UTRN: variants seen among roughly 807,000 people sequenced by gnomAD.
The protein encoded by UTRN is dystrophin-related protein 1.
In UTRN, 283 loss-of-function variants were observed where a neutral mutation model predicts 463.9. The observed-to-expected ratio is 0.61, with a 90% confidence interval of 0.55 to 0.67. The LOEUF (loss-of-function observed/expected upper bound fraction) is 0.67. UTRN is among the 30% of genes least tolerant of loss of function. UTRN has a pLI of 0.00. For synonymous variants in UTRN, 1,442 were observed against 1,431.5 expected, an observed-to-expected ratio of 1.01 and a Z score of -0.17; for missense variants, 3,922 against 4,084.3, an observed-to-expected ratio of 0.96 and a Z score of 1.08.
intron 54 of UTRN, among the ~76,000 whole-genome samples, chr6:144,740,422 G>C (rs962131685): frequency 2.6e-5 from 4 of 152,160 alleles, no homozygotes; most frequent in African/African-American, 9.6e-5. Flanking sequence ...GGGAGAAGGT[G>C]TCTAGGCAAT....
chr6:144,460,619 T>C (rs192620699), intron 21 of UTRN, among the ~76,000 whole-genome samples: 1 of 152,346 alleles, frequency 6.6e-6, no homozygotes, highest in African/African-American at 2.4e-5. Context: ...TGCTAGTTGG[T>C]TTCACCTCTT....
At chr6:144,533,735 A>AATATAATATC (rs1197087528) in intron 43 of UTRN, among the ~76,000 whole-genome samples, 8 of 150,906 alleles carry the variant, frequency 5.3e-5, no homozygotes, top group African/African-American at 1.9e-4. Flanking sequence ...AATATAATAT[A>AATATAATATC]ATATAGTATT....
chr6:144,782,182 A>G, intron 61 of UTRN, 59 bp downstream of exon 61: 1 of 1,408,380 alleles, frequency 7.1e-7, no homozygotes. Flanking sequence ...GTTAATAGAA[A>G]ATGTCTGATT....
chr6:144,415,891 G>T (rs1784317824), intron 3 of UTRN, among the ~76,000 whole-genome samples: 1 of 152,170 alleles, frequency 6.6e-6, no homozygotes, highest in Admixed American at 6.5e-5. Context: ...TTTGGAAGTG[G>T]AAGGACAGGG....
intron 51 of UTRN, among the ~76,000 whole-genome samples, chr6:144,608,204 A>G (rs1353630716): frequency 6.6e-6 from 1 of 152,170 alleles, no homozygotes; most frequent in Non-Finnish European, 1.5e-5. Context: ...GAAGGCCTTA[A>G]TAGAAAAAGA....
chr6:144,353,762 G>A (rs542237429), intron 2 of UTRN, among the ~76,000 whole-genome samples: 186 of 152,224 alleles, frequency 1.2e-3, no homozygotes, highest in Non-Finnish European at 1.5e-3. Flanking sequence ...GACGAGAATC[G>A]CTTGAACCTG....
intron 52 of UTRN, among the ~76,000 whole-genome samples, chr6:144,699,670 A>G (rs1260510623): frequency 6.6e-6 from 1 of 150,488 alleles, no homozygotes; most frequent in Non-Finnish European, 1.5e-5. Flanking sequence ...TACATAAACT[A>G]TCAAAACTTG....
intron 2 of UTRN, among the ~76,000 whole-genome samples, chr6:144,322,347 A>G (rs1383494766): frequency 1.3e-5 from 2 of 152,144 alleles, no homozygotes; most frequent in East Asian, 3.8e-4. Flanking sequence ...ACTGGTGAGC[A>G]CCTGGTGAGC....
intron 50 of UTRN, among the ~76,000 whole-genome samples, chr6:144,566,845 C>T (rs1346884550): frequency 3.9e-5 from 6 of 152,072 alleles, no homozygotes; most frequent in African/African-American, 1.4e-4. Flanking sequence ...AAGGAAAAGA[C>T]TTCATGAAAA....
intron 3 of UTRN, among the ~76,000 whole-genome samples, chr6:144,414,323 T>C (rs796079434): frequency 6.6e-5 from 10 of 152,216 alleles, no homozygotes; most frequent in African/African-American, 2.4e-4. Context: ...CCTAGGCTAA[T>C]GTGTATGTTT....
chr6:144,487,812 G>A, intron 29 of UTRN, 115 bp downstream of exon 29: 1 of 1,019,088 alleles, frequency 9.8e-7, no homozygotes, highest in Middle Eastern at 3.0e-4. Context: ...GGTTAAAGTT[G>A]GTAACCAATG....
intron 2 of UTRN, among the ~76,000 whole-genome samples, chr6:144,306,010 C>T (rs73780513): frequency 0.018 from 2,816 of 152,312 alleles, 82 homozygotes; most frequent in African/African-American, 0.06. Flanking sequence ...CTTCCAATTT[C>T]TAGGAGCAGT....
At chr6:144,824,191 C>G (rs1362973118) in intron 66 of UTRN, among the ~76,000 whole-genome samples, 1 of 151,934 alleles carries the variant, frequency 6.6e-6, no homozygotes, top group African/African-American at 2.4e-5. Flanking sequence ...GAAGGGCCTT[C>G]TAAGCCATGC....
intron 52 of UTRN, among the ~76,000 whole-genome samples, chr6:144,680,154 C>G (rs756822849): frequency 5.9e-5 from 9 of 152,170 alleles, no homozygotes; most frequent in Non-Finnish European, 1.3e-4. Context: ...AATTCCAGAG[C>G]TGGCCCTAGT....
At chr6:144,764,526 T>C (rs1313286057) in intron 58 of UTRN, among the ~76,000 whole-genome samples, 2 of 152,142 alleles carry the variant, frequency 1.3e-5, no homozygotes, top group African/African-American at 4.8e-5. Context: ...CAATTTGATT[T>C]TTAGGGTAAG....
chr6:144,676,659 A>G (rs1223382126), intron 51 of UTRN, among the ~76,000 whole-genome samples: 1 of 152,008 alleles, frequency 6.6e-6, no homozygotes, highest in Non-Finnish European at 1.5e-5. Flanking sequence ...ATTTCTCCTA[A>G]TGCTATCCCT....
At chr6:144,686,846 G>A (rs1048533294) in intron 52 of UTRN, among the ~76,000 whole-genome samples, 1 of 151,858 alleles carries the variant, frequency 6.6e-6, no homozygotes, top group Non-Finnish European at 1.5e-5. Context: ...CTGCCACTAT[G>A]TCTTTTAGGT....
In UTRN at chr6:144,363,947, G is replaced by T. The variant is rs73780543; in HGVS notation, c.80-39176G>T. 9.8e-3 allele frequency among the ~76,000 whole-genome samples: 1,498 copies of T among 152,284 alleles called. 26 individuals are homozygous for T. Among genetic ancestry groups the T allele is most frequent in the African/African-American group, 0.034 (1,432 of 41,540 alleles). Reference sequence around the variant, plus strand: ...AATTTAAAGGCAGTGGGTGATGTTCGGAGGTTTGGAGCATAAGATATTTTG... The same window carrying T: ...AATTTAAAGGCAGTGGGTGATGTTCTGAGGTTTGGAGCATAAGATATTTTG... On this transcript the variant is annotated intron_variant, in intron 2 of 74. Transcript: ENST00000367545.
chr6:144,630,458 G>A lies in UTRN; in HGVS notation c.7480-47948G>A, dbSNP rs558441758. ...GAAGGCAAAGGAGGAGCAAAGTCACGTCTTGCATGGCGGTGGGCCAGAGAG... is the reference window on the plus strand; with the variant it reads ...GAAGGCAAAGGAGGAGCAAAGTCACATCTTGCATGGCGGTGGGCCAGAGAG... On this transcript the variant is annotated intron_variant, in intron 51 of 74. Transcript: ENST00000367545. 6.6e-5 allele frequency among the ~76,000 whole-genome samples: 10 copies of A among 152,334 alleles called. No individual in the cohort carries two copies. In the South Asian group the frequency reaches 1.7e-3, roughly 25 times the overall value.
Sources: gnomAD v4.1 joint callset for allele counts (sites outside exome capture counted in the v4.1 genomes callset) on GRCh38, gnomAD v4.1.1 for gene constraint, MANE v1.5 for transcripts, NCBI Gene and HGNC (gene_info 2026-07-23, HGNC 2026-07-21) for gene names.